The following PRMT8 variants were observed in gnomAD, a reference collection of about 807,000 sequenced individuals.
The protein encoded by PRMT8 is protein arginine N-methyltransferase 8.
In PRMT8, 7 loss-of-function variants were observed where a neutral mutation model predicts 47.1. That is an observed-to-expected ratio of 0.15 (90% CI 0.08 to 0.28). The LOEUF is 0.28. Ranked by LOEUF, PRMT8 falls within the 10% of genes least tolerant of loss-of-function variation. PRMT8 has a pLI of 1.00. For synonymous variants in PRMT8, 188 were observed against 186.5 expected (o/e 1.01, Z -0.07); for missense variants, 237 against 505.4 (o/e 0.47, Z 5.09).
At chr12:3,384,982 T>C (rs7969691) in intron 1 of PRMT8, among the ~76,000 whole-genome samples, 3,703 of 151,188 alleles carry the variant, frequency 0.024, 172 homozygotes, top group African/African-American at 0.085. Flanking sequence ...GCAATAACAC[T>C]TCTCATTGAG....
rs1344681867 is a variant in PRMT8, at chr12:3,493,331, G to C, written c.75+1631G>C. On this transcript the variant is annotated intron_variant, in intron 1 of 9. Coordinates refer to ENST00000382622, the MANE Select transcript of PRMT8 (RefSeq NM_019854.5). The surrounding 1 kb of genome is among the most constrained non-coding windows in gnomAD (Gnocchi z 8.2). ...TCCCCTCACCCTCCGCCCTCTGATC[G>C]CCCACCCGCCGAAAGGGTTTCTAAA... 6.6e-6 allele frequency among the ~76,000 whole-genome samples: 1 copy of C among 152,012 alleles called. No homozygotes were observed. Among genetic ancestry groups the C allele is most frequent in the Non-Finnish European group, 1.5e-5 (1 of 68,002 alleles).
rs1865398194 is a variant in PRMT8, at chr12:3,491,565, G to A, written c.-61G>A. 6.4e-7 allele frequency: 1 copy of A among 1,553,586 alleles called. No homozygotes were observed. Among genetic ancestry groups the A allele is most frequent in the African/African-American group, 1.4e-5 (1 of 72,684 alleles). On this transcript the variant is annotated 5_prime_UTR_variant, in exon 1 of 10. Transcript: ENST00000382622. Reference sequence around the variant, plus strand: ...CCATCCTCTCGCTCTCTCTTTTAAAGCGACACCAGCTCTCTCTCCTCCTCT... The same window carrying A: ...CCATCCTCTCGCTCTCTCTTTTAAAACGACACCAGCTCTCTCTCCTCCTCT...
rs72188429 is a variant in PRMT8 at position 3,499,177 on chromosome 12, AT to A, written c.75+7487del. On this transcript the variant is annotated intron_variant, in intron 1 of 9. Coordinates refer to ENST00000382622, the MANE Select transcript of PRMT8 (RefSeq NM_019854.5). ...TATTTTTATTTTTATTTATTTATTT[AT>A]TTTTTTTTTCCTTTCTTTTTTTTTT... 9.2e-3 allele frequency among the ~76,000 whole-genome samples: 1,189 copies of A among 128,618 alleles called. 13 individuals are homozygous for A. Among genetic ancestry groups the A allele is most frequent in the African/African-American group, 0.029 (997 of 34,550 alleles). The allele number at this position is 128,618 out of a possible 152,430, so 84.4% of individuals were successfully genotyped here. A position where few individuals can be genotyped will look rare whatever the true frequency, so the allele number is the denominator to read the frequency against.
intron 7 of PRMT8, among the ~76,000 whole-genome samples, chr12:3,579,486 T>TATGA (rs1044820172): frequency 2.0e-5 from 3 of 152,214 alleles, no homozygotes; most frequent in Admixed American, 1.3e-4. Context: ...GTACACTCCT[T>TATGA]ATGAAAACTC....
At chr12:3,450,295 A>C (rs948632557) in intron 1 of PRMT8, among the ~76,000 whole-genome samples, 1 of 152,218 alleles carries the variant, frequency 6.6e-6, no homozygotes, top group East Asian at 1.9e-4. Flanking sequence ...TGGATGTTGA[A>C]TGGATCTTTT....
intron 3 of PRMT8, 148 bp from the exon 4 acceptor site, chr12:3,553,503 C>T (rs948111846): frequency 1.2e-5 from 8 of 695,014 alleles, no homozygotes; most frequent in African/African-American, 5.3e-5. Flanking sequence ...GGCTGGGTTT[C>T]GGTTTTCAGT....
At position 3,397,276 on chromosome 12, in the gene PRMT8, G is replaced by GGA. The variant is rs1288133987; in HGVS notation, c.48+15838_48+15839dup. ...TGAGGAACTGCGTTCCTTTGGAGGAGGAGAGGTGCTCTGCGTTTTAGAGTT... is the reference window on the plus strand; with the variant it reads ...TGAGGAACTGCGTTCCTTTGGAGGAGGAGAGAGGTGCTCTGCGTTTTAGAGTT... On this transcript the variant is annotated intron_variant, in intron 1 of 9. Coordinates refer to the PRMT8 transcript ENST00000452611. 9.2e-5 allele frequency among the ~76,000 whole-genome samples: 14 copies of GGA among 152,062 alleles called. 1 individual carries two copies. The South Asian group carries it at 2.8e-3, about 31-fold the overall frequency.
chr12:3,515,138 C>T (rs1865770164), intron 1 of PRMT8, among the ~76,000 whole-genome samples: 1 of 152,220 alleles, frequency 6.6e-6, no homozygotes, highest in Non-Finnish European at 1.5e-5. Context: ...AACAAGGTTT[C>T]AAACAAAAGC....
At chr12:3,395,244 CT>C (rs1406147770) in intron 1 of PRMT8, among the ~76,000 whole-genome samples, 1 of 150,716 alleles carries the variant, frequency 6.6e-6, no homozygotes, top group Non-Finnish European at 1.5e-5. Flanking sequence ...TATTTCTTGC[CT>C]TCTGCTAGCT....
intron 1 of PRMT8, among the ~76,000 whole-genome samples, chr12:3,444,029 G>A (rs1357160036): frequency 6.6e-6 from 1 of 152,104 alleles, no homozygotes; most frequent in Non-Finnish European, 1.5e-5. Context: ...ACATCTCCCT[G>A]TTATATTTTC....
intron 7 of PRMT8, among the ~76,000 whole-genome samples, chr12:3,579,373 C>A (rs1327619298): frequency 6.6e-6 from 1 of 152,126 alleles, no homozygotes; most frequent in Non-Finnish European, 1.5e-5. Context: ...TCCTGGCCCT[C>A]TCCACTCCCC....
chr12:3,452,241 A>G (rs1317425208), intron 1 of PRMT8, among the ~76,000 whole-genome samples: 1 of 152,088 alleles, frequency 6.6e-6, no homozygotes, highest in African/African-American at 2.4e-5. Flanking sequence ...GTGAGGAAAT[A>G]AGTGTACAAC....
chr12:3,536,660 G>T (rs1227305257), intron 1 of PRMT8, among the ~76,000 whole-genome samples: 4 of 152,180 alleles, frequency 2.6e-5, no homozygotes, highest in Non-Finnish European at 5.9e-5. Context: ...CCTGAGCAGG[G>T]TCCTCCCTGG....
In PRMT8 at chr12:3,593,228, C is replaced by T. The variant is rs768537216; in HGVS notation, c.*46C>T. On this transcript the variant is annotated 3_prime_UTR_variant, in exon 10 of 10. Coordinates refer to ENST00000382622, the MANE Select transcript of PRMT8 (RefSeq NM_019854.5). The surrounding 1 kb of genome is among the most constrained non-coding windows in gnomAD (Gnocchi z 4.8). ...GAGCAACGAGAAAAGGAACTCTCACCTCGATCTGCCGTGCCGTCCCAAAGA... is the reference window on the plus strand; with the variant it reads ...GAGCAACGAGAAAAGGAACTCTCACTTCGATCTGCCGTGCCGTCCCAAAGA... 157 of 1,491,446 alleles carry T rather than the reference C, an allele frequency of 1.1e-4. No homozygotes were observed. Among genetic ancestry groups the T allele is most frequent in the Non-Finnish European group, 4.4e-5 (47 of 1,073,914 alleles). The allele number at this position is 1,491,446 out of a possible 1,614,324, so 92.4% of individuals were successfully genotyped here. A position where few individuals can be genotyped will look rare whatever the true frequency, so the allele number is the denominator to read the frequency against.
intron 1 of PRMT8, among the ~76,000 whole-genome samples, chr12:3,406,770 A>ATC (rs1864376850): frequency 1.3e-5 from 2 of 152,250 alleles, no homozygotes; most frequent in African/African-American, 4.8e-5. Flanking sequence ...ACTTTCCTAC[A>ATC]TCTTTCTGTC....
chr12:3,525,947 T>C (rs1865944893), intron 1 of PRMT8, among the ~76,000 whole-genome samples: 1 of 152,206 alleles, frequency 6.6e-6, no homozygotes, highest in Non-Finnish European at 1.5e-5. Context: ...CACATTGCAG[T>C]GCAACCATCA....
chr12:3,477,672 C>G (rs868206262), intron 1 of PRMT8, among the ~76,000 whole-genome samples: 6 of 152,194 alleles, frequency 3.9e-5, no homozygotes, highest in African/African-American at 1.4e-4. Flanking sequence ...ATCTCTCAAC[C>G]TTTTCCGATT....
chr12:3,402,746 T>C (rs934690454), intron 1 of PRMT8, among the ~76,000 whole-genome samples: 7 of 152,096 alleles, frequency 4.6e-5, no homozygotes, highest in African/African-American at 1.7e-4. Flanking sequence ...ATTAGAGAAA[T>C]GCAAATCAAA....
Position 3,593,198 on chromosome 12 carries a change from G to A in PRMT8, c.*16G>A. On this transcript the variant is annotated 3_prime_UTR_variant, in exon 10 of 10. Coordinates refer to ENST00000382622, the MANE Select transcript of PRMT8 (RefSeq NM_019854.5). The surrounding 1 kb of genome is among the most constrained non-coding windows in gnomAD (Gnocchi z 4.8). ...AATGCGTTAGCACACGTGGGAAGCT[G>A]CAGAGAGCAACGAGAAAAGGAACTC... 11 of 1,605,506 alleles carry A rather than the reference G, an allele frequency of 6.9e-6. No individual in the cohort carries two copies. Among genetic ancestry groups the A allele is most frequent in the Non-Finnish European group, 9.4e-6 (11 of 1,173,220 alleles).
Sources: gnomAD v4.1 joint callset for allele counts (sites outside exome capture counted in the v4.1 genomes callset) on GRCh38, gnomAD v4.1.1 for gene constraint, Gnocchi (gnomAD v3.1) non-coding constraint, MANE v1.5 for transcripts, NCBI Gene and HGNC (gene_info 2026-07-23, HGNC 2026-07-21) for gene names.